Variants in NIN observed in about 807,000 individuals in gnomAD.
The protein encoded by NIN is ninein, also known as glycogen synthase kinase 3 beta-interacting protein.
Under a neutral mutation model 257.6 loss-of-function variants are expected in NIN, and 137 were observed. The observed-to-expected ratio is 0.53, with a 90% CI of 0.46 to 0.61. The LOEUF (loss-of-function observed/expected upper bound fraction) is 0.61, where lower values mean the gene tolerates loss of function less well. NIN is among the 20% of genes least tolerant of loss of function. NIN has a pLI of 0.00. For synonymous variants in NIN, 918 were observed against 919.8 expected (o/e 1.00, Z 0.04); for missense variants, 2,439 against 2,501.2 (o/e 0.98, Z 0.53).
intron 27 of NIN, 48 bp downstream of exon 27, chr14:50,738,092 C>T (rs1595726845): frequency 6.3e-7 from 1 of 1,587,230 alleles, no homozygotes; most frequent in Non-Finnish European, 8.6e-7. Context: ...CTTAAGAACG[C>T]ATTATAGTGA....
Position 50,752,134 on chromosome 14 carries a change from G to C in NIN, c.4950+384C>G, listed in dbSNP as rs924300810. Among the ~76,000 whole-genome samples, 3 of 145,652 alleles carry C rather than the reference G, an allele frequency of 2.1e-5. No individual in the cohort carries two copies. The East Asian group carries it at 6.0e-4, about 29-fold the overall frequency. ...ACCAGGGTTAAAGACAAATTCACCC[G>C]TATTTTCTTCAAATATTTGTATAGT... On this transcript the variant is annotated intron_variant, in intron 21 of 30. Transcript: ENST00000530997.
Position 50,790,728 on chromosome 14 carries a change from T to C in NIN, c.435+1984A>G, listed in dbSNP as rs1484843772. 3.9e-5 allele frequency among the ~76,000 whole-genome samples: 6 copies of C among 152,288 alleles called. No individual in the cohort carries two copies. The South Asian group carries it at 1.0e-3, about 26-fold the overall frequency. On this transcript the variant is annotated intron_variant, in intron 5 of 30. Coordinates refer to ENST00000530997, the MANE Select transcript of NIN (RefSeq NM_020921.4). ...TGGAGGAGTTAAGGGAAGTTGTAAG[T>C]ACATCAAGGGTGAAATGATACTCCC...
intron 24 of NIN, among the ~76,000 whole-genome samples, chr14:50,742,657 G>A (rs913922778): frequency 1.3e-5 from 2 of 152,122 alleles, no homozygotes; most frequent in African/African-American, 4.8e-5. Flanking sequence ...GCCTCCCAAA[G>A]TGCTGGGATT....
intron 2 of NIN, among the ~76,000 whole-genome samples, chr14:50,825,277 G>A (rs984276997): frequency 2.0e-5 from 3 of 152,222 alleles, no homozygotes; most frequent in African/African-American, 7.2e-5. Flanking sequence ...AAATGCTATA[G>A]AACAGACTGA....
At chr14:50,750,088 T>C (rs1410375438) in intron 21 of NIN, among the ~76,000 whole-genome samples, 2 of 152,312 alleles carry the variant, frequency 1.3e-5, no homozygotes, top group African/African-American at 4.8e-5. Context: ...GCTTTGGCCA[T>C]CAGGACACAG....
chr14:50,772,906 C>A, intron 8 of NIN, 43 bp downstream of exon 8: 1 of 1,560,688 alleles, frequency 6.4e-7, no homozygotes, highest in Non-Finnish European at 8.7e-7. Context: ...TAAATGGGTT[C>A]TAACTTTTAT....
chr14:50,819,694 C>G (rs2045107659), intron 3 of NIN, among the ~76,000 whole-genome samples: 1 of 152,232 alleles, frequency 6.6e-6, no homozygotes, highest in African/African-American at 2.4e-5. Flanking sequence ...GAATGCCTGA[C>G]AGGCAGGACA....
intron 5 of NIN, among the ~76,000 whole-genome samples, chr14:50,786,069 G>T (rs1202356319): frequency 6.6e-6 from 1 of 152,200 alleles, no homozygotes; most frequent in Non-Finnish European, 1.5e-5. Flanking sequence ...CTGCTACACT[G>T]AAGGCTAAAA....
intron 3 of NIN, among the ~76,000 whole-genome samples, chr14:50,819,364 G>A (rs2045088247): frequency 6.6e-6 from 1 of 152,204 alleles, no homozygotes; most frequent in South Asian, 2.1e-4. Flanking sequence ...GAGGGACCCA[G>A]TGGGAGATAA....
intron 28 of NIN, 147 bp from the exon 29 acceptor site, chr14:50,729,870 C>A: frequency 3.6e-6 from 2 of 559,184 alleles, no homozygotes; most frequent in Non-Finnish European, 6.1e-6. Context: ...AGCATATGGG[C>A]CCGAGGAATA....
chr14:50,793,880 T>A (rs576486208), intron 4 of NIN, among the ~76,000 whole-genome samples: 56 of 152,386 alleles, frequency 3.7e-4, no homozygotes, highest in African/African-American at 1.3e-3. Context: ...AATAAAATGT[T>A]TCATTAAAGT....
chr14:50,772,092 A>G (rs2042760299), intron 9 of NIN: 4 of 485,490 alleles, frequency 8.2e-6, no homozygotes, highest in South Asian at 7.3e-5. Context: ...TCTCATGTCA[A>G]TAATCTGGGG....
chr14:50,770,850 AC>A lies in NIN; in HGVS notation c.1259+1del. ...GGAGGAGCCTCACTCTGCTGGCCTC[AC>A]CTGAGGTTGTACTCATTCCGCCGCT... is the stretch of plus-strand genomic sequence containing the variant. On this transcript the variant is annotated splice_donor_variant, in intron 11 of 30. Coordinates refer to ENST00000530997, the MANE Select transcript of NIN (RefSeq NM_020921.4). LOFTEE classifies it high-confidence loss of function. 6.2e-7 allele frequency: 1 copy of A among 1,612,202 alleles called. No individual in the cohort carries two copies. The highest frequency in any genetic ancestry group is 1.7e-5 in the Admixed American group (1 of 59,798).
At chr14:50,799,652 C>T (rs1438430279) in intron 4 of NIN, among the ~76,000 whole-genome samples, 1 of 152,174 alleles carries the variant, frequency 6.6e-6, no homozygotes, top group African/African-American at 2.4e-5. Context: ...AACCGTCATC[C>T]TCATGTCCCG....
intron 29 of NIN, chr14:50,727,431 C>G (rs1595692889): frequency 1.8e-6 from 2 of 1,107,004 alleles, no homozygotes; most frequent in Non-Finnish European, 2.2e-6. Flanking sequence ...TAAATCCACA[C>G]TCTTTAAAGG....
intron 2 of NIN, among the ~76,000 whole-genome samples, chr14:50,824,087 C>G (rs1026635763): frequency 2.0e-5 from 3 of 152,124 alleles, no homozygotes; most frequent in Non-Finnish European, 4.4e-5. Flanking sequence ...GTTATCTGAC[C>G]GACCTCATAA....
At chr14:50,784,094 G>T (rs1260583954) in intron 5 of NIN, among the ~76,000 whole-genome samples, 1 of 152,126 alleles carries the variant, frequency 6.6e-6, no homozygotes, top group African/African-American at 2.4e-5. Context: ...TCATCCTGTG[G>T]GACTTCAGAT....
chr14:50,827,529 CA>C (rs1447304839), intron 2 of NIN, among the ~76,000 whole-genome samples: 1 of 150,438 alleles, frequency 6.6e-6, no homozygotes, highest in Non-Finnish European at 1.5e-5. Flanking sequence ...AGGTGGATCA[CA>C]AGGTCAGGAG....
rs1476674803 is a variant in NIN at position 50,760,108 on chromosome 14, C to T, written c.2148G>A (p.Gln716=). The part of the protein sequence containing the change: ...VKLEEEKTHL[Q]EKLRLQHEME... ...TCTCATGTTGCAGCCTCAGCTTCTC[C>T]TGCAGGTGAGTCTTTTCCTCCTCAA... Residue 716 remains glutamine (Q), a synonymous_variant, in exon 17 of 31, where the codon CAG becomes CAA. Transcript: ENST00000530997. 2.5e-6 allele frequency: 4 copies of T among 1,614,220 alleles called. No homozygotes were observed. Among genetic ancestry groups the T allele is most frequent in the Non-Finnish European group, 2.5e-6 (3 of 1,180,044 alleles).
Sources: gnomAD v4.1 joint callset for allele counts (sites outside exome capture counted in the v4.1 genomes callset) on GRCh38, gnomAD v4.1.1 for gene constraint, MANE v1.5 for transcripts, NCBI Gene and HGNC (gene_info 2026-07-23, HGNC 2026-07-21) for gene names.